Variants in PUM3 observed in about 807,000 individuals in gnomAD.
PUM3 encodes pumilio homolog 3.
In PUM3, 91 loss-of-function variants were observed where a neutral mutation model predicts 84.0. The observed-to-expected ratio is 1.08, with a 90% confidence interval of 0.91 to 1.29. PUM3 has a LOEUF of 1.29. Among genes scored for constraint, PUM3 ranks in the 50% most tolerant of loss-of-function variants. The pLI, the probability that PUM3 is intolerant of heterozygous loss-of-function variation, is 0.00. For missense variants in PUM3, 1,067 were observed against 767.5 expected, an observed-to-expected ratio of 1.39 and a Z score of -4.61; for synonymous variants, 321 against 266.7, an observed-to-expected ratio of 1.20 and a Z score of -1.98.
chr9:2,831,542 T>C (rs192903553), intron 5 of PUM3, among the ~76,000 whole-genome samples, 198 bp from the exon 6 acceptor site: 3 of 152,308 alleles, frequency 2.0e-5, no homozygotes, highest in Non-Finnish European at 2.9e-5. Context: ...CCATATTTGA[T>C]AGGTACAATA....
chr9:2,804,485 A>C (rs753062579), intron 17 of PUM3, 22 bp from the exon 18 acceptor site: 3 of 1,604,208 alleles, frequency 1.9e-6, no homozygotes, highest in East Asian at 4.5e-5. Context: ...AAAAAAATTA[A>C]ATTTCATAAG....
At chr9:2,827,365 C>T (rs559322949) in intron 9 of PUM3, among the ~76,000 whole-genome samples, 1 of 152,128 alleles carries the variant, frequency 6.6e-6, no homozygotes, top group African/African-American at 2.4e-5. Flanking sequence ...ACAACCAAGA[C>T]CAGAGTATAA....
intron 10 of PUM3, among the ~76,000 whole-genome samples, chr9:2,825,733 G>A (rs1815799595): frequency 6.6e-6 from 1 of 152,076 alleles, no homozygotes; most frequent in South Asian, 2.1e-4. Context: ...GCCCGCCTCG[G>A]GTTCCCAAAG....
intron 12 of PUM3, 103 bp from the exon 13 acceptor site, chr9:2,820,201 C>CA (rs58442595): frequency 0.071 from 10,595 of 149,776 alleles, 328 homozygotes; most frequent in African/African-American, 0.2. Context: ...AGACTCCGCT[C>CA]AAAAAAAAAA....
intron 16 of PUM3, 65 bp from the exon 17 acceptor site, chr9:2,807,969 C>T (rs995733743): frequency 2.0e-6 from 2 of 986,250 alleles, no homozygotes; most frequent in African/African-American, 3.2e-5. Flanking sequence ...ACCCCCTTCT[C>T]TACTGCCCTT....
intron 11 of PUM3, 40 bp from the exon 12 acceptor site, chr9:2,823,874 G>A (rs1401956360): frequency 1.2e-5 from 12 of 1,026,530 alleles, no homozygotes; most frequent in South Asian, 1.6e-5. Flanking sequence ...TTTCAGTTAT[G>A]TATTAAGGGT....
At position 2,842,997 on chromosome 9, in the gene PUM3, C is replaced by T. The variant is rs148631846; in HGVS notation, c.-11+1048G>A. Among the ~76,000 whole-genome samples, 303 of 152,274 alleles carry T rather than the reference C, an allele frequency of 2.0e-3. 3 individuals are homozygous for T. Among genetic ancestry groups the T allele is most frequent in the African/African-American group, 7.0e-3 (290 of 41,560 alleles). The stretch of plus-strand genomic sequence containing the variant: ...CATAAGTTAGTTCTCTTAAATGTCC[C>T]TTACGTCACCACCCTAATGCAAACT... On this transcript the variant is annotated intron_variant, in intron 1 of 17. Coordinates refer to ENST00000397885, the MANE Select transcript of PUM3 (RefSeq NM_014878.5).
intron 5 of PUM3, among the ~76,000 whole-genome samples, 168 bp from the exon 6 acceptor site, chr9:2,831,512 T>C (rs1376030331): frequency 2.0e-5 from 3 of 152,174 alleles, no homozygotes; most frequent in Non-Finnish European, 1.5e-5. Context: ...CAAAACATCA[T>C]TCTGTTGTTT....
Position 2,828,667 on chromosome 9 carries a change from T to C in PUM3, c.956+8A>G. On this transcript the variant is annotated splice_region_variant and intron_variant, in intron 9 of 17. Coordinates refer to ENST00000397885, the MANE Select transcript of PUM3 (RefSeq NM_014878.5). ...TTCTTAAGAACAAAACAAAAACAACTTTCTTACTTTTGGGCCATTGGAGTT... is the reference window on the plus strand; with the variant it reads ...TTCTTAAGAACAAAACAAAAACAACCTTCTTACTTTTGGGCCATTGGAGTT... 1 of 1,501,886 alleles carries C rather than the reference T, an allele frequency of 6.7e-7. No individual in the cohort carries two copies. Among genetic ancestry groups the C allele is most frequent in the Non-Finnish European group, 9.2e-7 (1 of 1,082,286 alleles). 93.0% of individuals were successfully genotyped at this position (1,501,886 alleles called of 1,614,324 possible). A position where few individuals can be genotyped will look rare whatever the true frequency, so the allele number is the denominator to read the frequency against.
At chr9:2,838,651 C>G (rs1408684120) in intron 1 of PUM3, 134 bp from the exon 2 acceptor site, 2 of 586,910 alleles carry the variant, frequency 3.4e-6, no homozygotes, top group Non-Finnish European at 6.1e-6. Flanking sequence ...ATAGAATGGA[C>G]AAGTACTTAA....
chr9:2,830,355 T>C lies in PUM3; in HGVS notation c.678-407A>G, dbSNP rs904196612. Among the ~76,000 whole-genome samples, 2 of 152,218 alleles carry C rather than the reference T, an allele frequency of 1.3e-5. 1 individual carries two copies. Among genetic ancestry groups the C allele is most frequent in the African/African-American group, 4.8e-5 (2 of 41,464 alleles). ...ACACTTTTTGTTGTTGATTATCATA[T>C]TCTAGCACATTAATACACTCAAAAA... On this transcript the variant is annotated intron_variant, in intron 7 of 17. Coordinates refer to ENST00000397885, the MANE Select transcript of PUM3 (RefSeq NM_014878.5).
chr9:2,833,323 T>G (rs1291634868), intron 5 of PUM3, 34 bp downstream of exon 5: 3 of 1,200,006 alleles, frequency 2.5e-6, no homozygotes, highest in Non-Finnish European at 2.4e-6. Flanking sequence ...ACTTCAACTG[T>G]TAAAAATTGC....
chr9:2,832,538 A>G (rs1563834213), intron 5 of PUM3, among the ~76,000 whole-genome samples: 1 of 152,232 alleles, frequency 6.6e-6, no homozygotes, highest in Non-Finnish European at 1.5e-5. Context: ...TAAGCAGCCC[A>G]GCCAGGATTT....
chr9:2,819,983 T>C (rs950271157), intron 13 of PUM3, 35 bp downstream of exon 13: 9 of 1,390,144 alleles, frequency 6.5e-6, no homozygotes, highest in Non-Finnish European at 8.2e-6. Context: ...GGTTTATCGA[T>C]GTAACTTAAA....
At chr9:2,824,223 A>G (rs1264041245) in intron 11 of PUM3, among the ~76,000 whole-genome samples, 1 of 152,196 alleles carries the variant, frequency 6.6e-6, no homozygotes, top group Non-Finnish European at 1.5e-5. Context: ...AAGTAGATAT[A>G]GTACAACTAT....
rs959983969 is a variant in PUM3 at position 2,837,286 on chromosome 9, C to T, written c.198G>A (p.Lys66=). 6.8e-6 allele frequency: 11 copies of T among 1,614,106 alleles called. No individual in the cohort carries two copies. Among genetic ancestry groups the T allele is most frequent in the East Asian group, 4.5e-5 (2 of 44,870 alleles). The part of the protein sequence containing the change: ...SITKLGKKGV[K]QFKNKQQGDK... Reference sequence around the variant, plus strand: ...CCCCTTGCTGCTTATTCTTGAACTGCTTTACACCCTTTTTCCCAAGTTTTG... The same window carrying T: ...CCCCTTGCTGCTTATTCTTGAACTGTTTTACACCCTTTTTCCCAAGTTTTG... The change falls in exon 3 of 18, where the codon AAG becomes AAA. Residue 66 remains lysine, a synonymous_variant. Transcript: ENST00000397885.
intron 13 of PUM3, among the ~76,000 whole-genome samples, chr9:2,816,962 A>C (rs1821482958): frequency 6.6e-6 from 1 of 152,208 alleles, no homozygotes; most frequent in South Asian, 2.1e-4. Flanking sequence ...TTTCTTGGCT[A>C]TTTTTAAAAG....
intron 15 of PUM3, 118 bp downstream of exon 15, chr9:2,811,243 G>A (rs1821362326): frequency 1.3e-6 from 1 of 757,820 alleles, no homozygotes. Context: ...GAGGTTCTTG[G>A]TTGTTTATTC....
chr9:2,811,934 A>T (rs906637679), intron 14 of PUM3, among the ~76,000 whole-genome samples: 6 of 152,156 alleles, frequency 3.9e-5, no homozygotes, highest in African/African-American at 1.4e-4. Flanking sequence ...TAGGGTACTC[A>T]AATATGTGGT....
Sources: allele counts gnomAD v4.1 joint callset (sites outside exome capture counted in the v4.1 genomes callset), GRCh38; gene constraint gnomAD v4.1.1; transcripts MANE v1.5; gene names NCBI Gene and HGNC (gene_info 2026-07-23, HGNC 2026-07-21).